Variants in COL23A1 observed in about 807,000 individuals in gnomAD.
COL23A1 encodes collagen type XXIII alpha 1 chain.
A neutral mutation model predicts 99.3 loss-of-function variants in COL23A1; 97 were observed. The ratio of observed to expected loss-of-function variants is 0.98; its 90% CI spans 0.83 to 1.16. The LOEUF (loss-of-function observed/expected upper bound fraction) is 1.16, where lower values mean the gene tolerates loss of function less well. Among genes scored for constraint, COL23A1 ranks in the 50% most tolerant of loss-of-function variants. The pLI is 0.00. For missense variants in COL23A1, 762 were observed against 757.4 expected (o/e 1.01, Z -0.07); for synonymous variants, 320 against 308.2 (o/e 1.04, Z -0.40).
Position 178,306,397 on chromosome 5 carries a change from G to A in COL23A1, c.406+478C>T, listed in dbSNP as rs144897591. ...GTGAAGCAGAGACAGCAGGAAGGAA[G>A]GGTGGTGAATACAGGTGCCTCTGTG... On this transcript the variant is annotated intron_variant, in intron 3 of 28. Coordinates refer to ENST00000390654, the MANE Select transcript of COL23A1 (RefSeq NM_173465.4). This position sits in a 1 kb window ranked among gnomAD's most constrained non-coding sequence, Gnocchi z 4.1. 0.011 allele frequency among the ~76,000 whole-genome samples: 1,728 copies of A among 152,122 alleles called. 10 individuals carry two copies. Among genetic ancestry groups the A allele is most frequent in the Non-Finnish European group, 0.017 (1,162 of 67,982 alleles).
At chr5:178,358,684 T>C (rs540468467) in intron 2 of COL23A1, among the ~76,000 whole-genome samples, 24 of 135,708 alleles carry the variant, frequency 1.8e-4, no homozygotes, top group Non-Finnish European at 3.2e-4. Flanking sequence ...TGTATGTGTA[T>C]GTGTGTGTAT....
intron 2 of COL23A1, among the ~76,000 whole-genome samples, chr5:178,465,995 C>T (rs960487929): frequency 1.3e-5 from 2 of 152,150 alleles, no homozygotes; most frequent in Non-Finnish European, 2.9e-5. Flanking sequence ...GCCATCGTGT[C>T]CACATCACCC....
At position 178,248,798 on chromosome 5, in the gene COL23A1, C is replaced by T. The variant is rs757839303; in HGVS notation, c.1149+319G>A. 5.3e-5 allele frequency among the ~76,000 whole-genome samples: 8 copies of T among 152,296 alleles called. 1 individual carries two copies. Among genetic ancestry groups the T allele is most frequent in the African/African-American group, 1.4e-4 (6 of 41,556 alleles). The stretch of plus-strand genomic sequence containing the variant: ...CCCAGGGTTCCAGAGTCAGCCGGGA[C>T]GGAGCTGGATGCAAACTTGGGCAGT... On this transcript the variant is annotated intron_variant, in intron 19 of 28. Transcript: ENST00000390654.
chr5:178,264,247 G>C (rs1319833300), intron 8 of COL23A1, among the ~76,000 whole-genome samples: 1 of 151,700 alleles, frequency 6.6e-6, no homozygotes, highest in Non-Finnish European at 1.5e-5. Context: ...AGAGATGCAA[G>C]ATGTCACCAT....
At chr5:178,478,230 T>C (rs1381564891) in intron 2 of COL23A1, among the ~76,000 whole-genome samples, 2 of 152,126 alleles carry the variant, frequency 1.3e-5, no homozygotes, top group Admixed American at 6.5e-5. Flanking sequence ...GAAGATGCCA[T>C]CTTCACCAGG....
chr5:178,353,114 G>C (rs1405149453), intron 2 of COL23A1, among the ~76,000 whole-genome samples: 1 of 152,182 alleles, frequency 6.6e-6, no homozygotes, highest in South Asian at 2.1e-4. Flanking sequence ...AATCACTGCA[G>C]CGTCACGTTT....
At chr5:178,462,716 G>T (rs889673824) in intron 2 of COL23A1, among the ~76,000 whole-genome samples, 1 of 152,094 alleles carries the variant, frequency 6.6e-6, no homozygotes, top group Non-Finnish European at 1.5e-5. Context: ...AAAACCTTCC[G>T]GGATTTAACA....
chr5:178,481,556 G>A (rs1293337884), intron 2 of COL23A1, among the ~76,000 whole-genome samples: 2 of 151,938 alleles, frequency 1.3e-5, no homozygotes, highest in Non-Finnish European at 2.9e-5. Flanking sequence ...TAAAAAATGG[G>A]CAAAGAGCTT....
chr5:178,385,846 G>C (rs189657884), intron 2 of COL23A1, among the ~76,000 whole-genome samples: 7 of 152,180 alleles, frequency 4.6e-5, no homozygotes, highest in Non-Finnish European at 1.0e-4. Context: ...TTCCCGTGTC[G>C]GCTGCCAGGA....
At chr5:178,327,438 T>G (rs1759750766) in intron 2 of COL23A1, among the ~76,000 whole-genome samples, 1 of 152,128 alleles carries the variant, frequency 6.6e-6, no homozygotes. Flanking sequence ...CCAGAACCAG[T>G]GAGGCAGCCA....
In COL23A1 at chr5:178,434,740, T is replaced by C. The variant is rs559131446; in HGVS notation, c.361+125942A>G. ...CTCCCCAACATCTCCACTTCACCGC[T>C]GAGGAAACTGAGGCCTGGGATGGTG... On this transcript the variant is annotated intron_variant, in intron 2 of 28. Coordinates refer to ENST00000390654, the MANE Select transcript of COL23A1 (RefSeq NM_173465.4). The surrounding 1 kb of genome is among the most constrained non-coding windows in gnomAD (Gnocchi z 4.3). 3.7e-4 allele frequency among the ~76,000 whole-genome samples: 56 copies of C among 152,326 alleles called. No homozygotes were observed. Among genetic ancestry groups the C allele is most frequent in the African/African-American group, 1.3e-3 (53 of 41,580 alleles).
At chr5:178,436,229 G>T (rs1480039428) in intron 2 of COL23A1, among the ~76,000 whole-genome samples, 1 of 152,182 alleles carries the variant, frequency 6.6e-6, no homozygotes, top group African/African-American at 2.4e-5. Context: ...CCTAGGAGGG[G>T]ATGCTGAGTC....
At chr5:178,437,456 C>T (rs767311611) in intron 2 of COL23A1, among the ~76,000 whole-genome samples, 1 of 152,192 alleles carries the variant, frequency 6.6e-6, no homozygotes, top group Non-Finnish European at 1.5e-5. Context: ...ATGGAATCCC[C>T]AAGCCCAGCA....
At chr5:178,420,430 C>G (rs55996625) in intron 2 of COL23A1, among the ~76,000 whole-genome samples, 382 of 21,600 alleles carry the variant, frequency 0.018, 3 homozygotes, top group Middle Eastern at 0.042. Flanking sequence ...CTTCTCCCCT[C>G]CCCCGCTCTT....
At chr5:178,323,274 G>A (rs1468039261) in intron 2 of COL23A1, among the ~76,000 whole-genome samples, 1 of 152,122 alleles carries the variant, frequency 6.6e-6, no homozygotes, top group East Asian at 1.9e-4. Flanking sequence ...GGGAATGTCC[G>A]TGGTCCTGAG....
At chr5:178,427,472 T>C (rs1406845059) in intron 2 of COL23A1, among the ~76,000 whole-genome samples, 1 of 152,182 alleles carries the variant, frequency 6.6e-6, no homozygotes, top group African/African-American at 2.4e-5. Flanking sequence ...TGAACACAGA[T>C]GATTATAGCA....
At chr5:178,358,085 C>T (rs1245008746) in intron 2 of COL23A1, among the ~76,000 whole-genome samples, 7 of 127,502 alleles carry the variant, frequency 5.5e-5, no homozygotes, top group Non-Finnish European at 9.9e-5. Flanking sequence ...TGTGTATGTA[C>T]GTGTGTAGGT....
At chr5:178,507,199 C>T (rs1758921664) in intron 2 of COL23A1, among the ~76,000 whole-genome samples, 3 of 152,180 alleles carry the variant, frequency 2.0e-5, no homozygotes, top group Admixed American at 1.3e-4. Context: ...CTCCTCCAGT[C>T]GGCAATATCC....
chr5:178,312,861 T>C (rs1172466519), intron 2 of COL23A1, among the ~76,000 whole-genome samples: 1 of 152,160 alleles, frequency 6.6e-6, no homozygotes, highest in Non-Finnish European at 1.5e-5. Context: ...TCTCTACTCT[T>C]TTCTTCCTAT....
Sources: allele counts gnomAD v4.1 joint callset (sites outside exome capture counted in the v4.1 genomes callset), GRCh38; gene constraint gnomAD v4.1.1; non-coding constraint Gnocchi (gnomAD v3.1); transcripts MANE v1.5; gene names NCBI Gene and HGNC (gene_info 2026-07-23, HGNC 2026-07-21).